Variants in LRRC4C observed in about 807,000 individuals in gnomAD.
LRRC4C encodes leucine-rich repeat-containing protein 4C.
A neutral mutation model predicts 33.6 loss-of-function variants in LRRC4C; 5 were observed. That is an observed-to-expected ratio of 0.15 (90% CI 0.08 to 0.31). The LOEUF is 0.31. Among genes scored for constraint, LRRC4C ranks in the 10% least tolerant of loss-of-function variants. The pLI, the probability that LRRC4C is intolerant of heterozygous loss-of-function variation, is 1.00. For missense variants in LRRC4C, 560 were observed against 796.7 expected (o/e 0.70, Z 3.58); for synonymous variants, 329 against 302.0 (o/e 1.09, Z -0.93).
chr11:40,252,414 G>A (rs1298189368), intron 4 of LRRC4C, among the ~76,000 whole-genome samples: 1 of 151,836 alleles, frequency 6.6e-6, no homozygotes, highest in Non-Finnish European at 1.5e-5. Context: ...CCACGAAACA[G>A]AGAGCTCTCA....
At chr11:40,855,398 A>G (rs1167371874) in intron 2 of LRRC4C, among the ~76,000 whole-genome samples, 1 of 152,166 alleles carries the variant, frequency 6.6e-6, no homozygotes, top group Non-Finnish European at 1.5e-5. Flanking sequence ...GGGCATAGTG[A>G]AGATTCAATT....
At chr11:40,592,802 T>C (rs891079078) in intron 3 of LRRC4C, among the ~76,000 whole-genome samples, 13 of 152,194 alleles carry the variant, frequency 8.5e-5, no homozygotes, top group African/African-American at 2.9e-4. Flanking sequence ...ATAGCAGTCT[T>C]ATTACCTGAA....
At chr11:40,987,644 T>TC (rs1410910177) in intron 1 of LRRC4C, among the ~76,000 whole-genome samples, 1 of 88,346 alleles carries the variant, frequency 1.1e-5, no homozygotes, top group Non-Finnish European at 2.2e-5. Flanking sequence ...TATATATATA[T>TC]ATATATATCT....
At chr11:40,691,287 A>G (rs939282775) in intron 2 of LRRC4C, among the ~76,000 whole-genome samples, 6 of 152,022 alleles carry the variant, frequency 3.9e-5, no homozygotes, top group African/African-American at 1.4e-4. Context: ...CAGAATGCCC[A>G]CAGGGACTCA....
intron 1 of LRRC4C, among the ~76,000 whole-genome samples, chr11:41,061,052 C>G (rs1249252219): frequency 6.6e-6 from 1 of 152,090 alleles, no homozygotes; most frequent in Non-Finnish European, 1.5e-5. Flanking sequence ...TAACCTCTCC[C>G]CAAGACATTT....
At chr11:40,507,744 T>TA (rs1248244774) in intron 3 of LRRC4C, among the ~76,000 whole-genome samples, 2 of 151,156 alleles carry the variant, frequency 1.3e-5, no homozygotes, top group Admixed American at 6.6e-5. Flanking sequence ...TTTAATTTTT[T>TA]TTTTTTTTTT....
At chr11:40,854,610 G>C (rs1044799084) in intron 2 of LRRC4C, among the ~76,000 whole-genome samples, 2 of 151,676 alleles carry the variant, frequency 1.3e-5, no homozygotes, top group African/African-American at 4.8e-5. Flanking sequence ...TTCATACAAT[G>C]CCTTTTTTTT....
intron 1 of LRRC4C, among the ~76,000 whole-genome samples, chr11:41,277,376 A>G (rs1026593395): frequency 1.3e-5 from 2 of 152,330 alleles, no homozygotes; most frequent in Admixed American, 1.3e-4. Context: ...TCTCACAGAC[A>G]ACTTTTAGAA....
At chr11:40,532,401 G>T (rs2135320437) in intron 3 of LRRC4C, among the ~76,000 whole-genome samples, 1 of 151,870 alleles carries the variant, frequency 6.6e-6, no homozygotes, top group South Asian at 2.1e-4. Context: ...TATTATTATT[G>T]TAAATTCAAT....
chr11:40,788,794 T>C (rs1950514016), intron 2 of LRRC4C, among the ~76,000 whole-genome samples: 1 of 152,064 alleles, frequency 6.6e-6, no homozygotes, highest in African/African-American at 2.4e-5. Flanking sequence ...CTAAAATTTC[T>C]GTAAAAAATG....
chr11:41,293,891 C>G (rs1950063347), intron 1 of LRRC4C, among the ~76,000 whole-genome samples: 1 of 151,916 alleles, frequency 6.6e-6, no homozygotes, highest in South Asian at 2.1e-4. Context: ...GCCACCTCGC[C>G]CGGCCAATGT....
At chr11:40,784,832 A>G (rs1045108248) in intron 2 of LRRC4C, among the ~76,000 whole-genome samples, 1 of 152,164 alleles carries the variant, frequency 6.6e-6, no homozygotes, top group Admixed American at 6.5e-5. Flanking sequence ...GGTGCATACA[A>G]CATGCTTTTA....
At chr11:40,517,770 C>T (rs1478260232) in intron 3 of LRRC4C, among the ~76,000 whole-genome samples, 1 of 151,860 alleles carries the variant, frequency 6.6e-6, no homozygotes, top group Non-Finnish European at 1.5e-5. Context: ...CTTTAAACTT[C>T]ATATGGTACC....
chr11:41,107,466 G>T (rs982883997), intron 1 of LRRC4C, among the ~76,000 whole-genome samples: 3 of 151,892 alleles, frequency 2.0e-5, no homozygotes, highest in Non-Finnish European at 4.4e-5. Flanking sequence ...CTCATTTATG[G>T]CCTTTAAGGA....
At position 40,873,375 on chromosome 11, in the gene LRRC4C, C is replaced by A. The variant is rs948933927; in HGVS notation, c.-407+60260G>T. The stretch of plus-strand genomic sequence containing the variant: ...TTCAGTCATTCTGTATCAGAAACTG[C>A]CACACCACCAGATGGAGCCTCTCAG... On this transcript the variant is annotated intron_variant, in intron 2 of 6. Transcript: ENST00000528697. 2.0e-5 allele frequency among the ~76,000 whole-genome samples: 3 copies of A among 152,096 alleles called. No individual in the cohort carries two copies. The East Asian group carries it at 5.8e-4, about 29-fold the overall frequency.
chr11:40,922,764 A>C, intron 2 of LRRC4C, among the ~76,000 whole-genome samples: 1 of 152,248 alleles, frequency 6.6e-6, no homozygotes, highest in East Asian at 1.9e-4. Flanking sequence ...GGGCAGTAAT[A>C]TATCAGTGAT....
intron 5 of LRRC4C, among the ~76,000 whole-genome samples, chr11:40,209,670 G>A (rs1863435913): frequency 6.6e-6 from 1 of 152,052 alleles, no homozygotes; most frequent in Non-Finnish European, 1.5e-5. Context: ...AGCCTCCCAA[G>A]TAGCTGGGAC....
intron 2 of LRRC4C, among the ~76,000 whole-genome samples, chr11:40,886,570 G>GTTTAT (rs1955469107): frequency 6.6e-6 from 1 of 151,402 alleles, no homozygotes; most frequent in Non-Finnish European, 1.5e-5. Flanking sequence ...TAATTAAGGA[G>GTTTAT]TTTATCCTCA....
chr11:40,997,071 A>G (rs1366034797), intron 1 of LRRC4C, among the ~76,000 whole-genome samples: 2 of 152,196 alleles, frequency 1.3e-5, no homozygotes, highest in African/African-American at 4.8e-5. Flanking sequence ...GATATGCAAC[A>G]TAAAATTTTG....
Sources: allele counts gnomAD v4.1 joint callset (sites outside exome capture counted in the v4.1 genomes callset), GRCh38; gene constraint gnomAD v4.1.1; transcripts MANE v1.5; gene names NCBI Gene and HGNC (gene_info 2026-07-23, HGNC 2026-07-21).